Variants in DNAJB14 observed in about 807,000 individuals in gnomAD.
DNAJB14 encodes the protein DnaJ heat shock protein family (Hsp40) member B14, also known as dnaJ homolog subfamily B member 14.
Under a neutral mutation model 48.4 loss-of-function variants are expected in DNAJB14, and 22 were observed. That is an observed-to-expected ratio of 0.45 (90% CI 0.32 to 0.65). DNAJB14 has a LOEUF of 0.65. Ranked by LOEUF, DNAJB14 falls within the 30% of genes least tolerant of loss-of-function variation. The pLI, the probability that DNAJB14 is intolerant of heterozygous loss-of-function variation, is 0.03. For missense variants in DNAJB14, 319 were observed against 458.8 expected, an observed-to-expected ratio of 0.70 and a Z score of 2.78; for synonymous variants, 142 against 158.7, an observed-to-expected ratio of 0.89 and a Z score of 0.79.
chr4:99,907,303 T>A (rs1303205007), intron 4 of DNAJB14, among the ~76,000 whole-genome samples: 2 of 152,144 alleles, frequency 1.3e-5, no homozygotes, highest in Non-Finnish European at 2.9e-5. Flanking sequence ...AAAACACAGG[T>A]TATATTTTCA....
At chr4:99,916,994 G>T (rs1283101636) in intron 3 of DNAJB14, among the ~76,000 whole-genome samples, 1 of 152,150 alleles carries the variant, frequency 6.6e-6, no homozygotes, top group Admixed American at 6.6e-5. Context: ...AATTAGCTGG[G>T]TGTGGTGGCA....
chr4:99,945,204 T>C (rs1296808784), intron 1 of DNAJB14, among the ~76,000 whole-genome samples: 3 of 152,150 alleles, frequency 2.0e-5, no homozygotes. Context: ...ATTTGGCAGG[T>C]TTTTAAACCA....
chr4:99,938,951 A>G (rs529482075), intron 1 of DNAJB14, among the ~76,000 whole-genome samples: 1 of 152,286 alleles, frequency 6.6e-6, no homozygotes, highest in African/African-American at 2.4e-5. Context: ...CTGCATAACC[A>G]TAAGACAGGT....
At chr4:99,939,899 C>G (rs1258931837) in intron 1 of DNAJB14, among the ~76,000 whole-genome samples, 1 of 152,132 alleles carries the variant, frequency 6.6e-6, no homozygotes, top group Admixed American at 6.5e-5. Context: ...TACAATAATG[C>G]GCAGTGTTAC....
intron 1 of DNAJB14, among the ~76,000 whole-genome samples, chr4:99,933,036 CTT>C (rs1003771315): frequency 6.6e-6 from 1 of 151,970 alleles, no homozygotes; most frequent in African/African-American, 2.4e-5. Flanking sequence ...AATGAGGTGT[CTT>C]TTTGAAGTAA....
intron 1 of DNAJB14, among the ~76,000 whole-genome samples, chr4:99,944,560 CT>C (rs1462697263): frequency 1.3e-5 from 2 of 150,054 alleles, no homozygotes; most frequent in Admixed American, 6.6e-5. Flanking sequence ...TTTACTGTAG[CT>C]TTTTTTTGGT....
intron 1 of DNAJB14, among the ~76,000 whole-genome samples, chr4:99,935,515 G>A (rs568870106): frequency 6.6e-5 from 10 of 152,264 alleles, no homozygotes; most frequent in African/African-American, 2.2e-4. Flanking sequence ...CATAAGGACT[G>A]GTAGTAGTAA....
At chr4:99,916,130 C>A (rs1172046689) in intron 3 of DNAJB14, among the ~76,000 whole-genome samples, 2 of 152,076 alleles carry the variant, frequency 1.3e-5, no homozygotes, top group Non-Finnish European at 2.9e-5. Context: ...TTGTAGACAA[C>A]ATACAGCAAA....
intron 6 of DNAJB14, among the ~76,000 whole-genome samples, chr4:99,904,810 A>G (rs1725410328): frequency 6.6e-6 from 1 of 152,012 alleles, no homozygotes; most frequent in Admixed American, 6.6e-5. Flanking sequence ...TCAACTTGTA[A>G]TTTATTTACG....
At chr4:99,911,948 A>G (rs1725676214) in intron 3 of DNAJB14, among the ~76,000 whole-genome samples, 1 of 152,172 alleles carries the variant, frequency 6.6e-6, no homozygotes, top group South Asian at 2.1e-4. Flanking sequence ...TAAGTCTTAA[A>G]AAATCATTGC....
chr4:99,914,293 C>T (rs1725770606), intron 3 of DNAJB14, among the ~76,000 whole-genome samples: 1 of 152,180 alleles, frequency 6.6e-6, no homozygotes, highest in Admixed American at 6.5e-5. Flanking sequence ...GGCACATATA[C>T]ACCATGGAAT....
At chr4:99,924,583 A>G in intron 2 of DNAJB14, 1 of 627,768 alleles carries the variant, frequency 1.6e-6, no homozygotes, top group East Asian at 3.3e-5. Flanking sequence ...TCCTTTATTT[A>G]GTCAATAATA....
rs963837515 is a variant in DNAJB14, at chr4:99,898,814, T to G, written c.*2214A>C. The stretch of plus-strand genomic sequence containing the variant: ...AAAAAAGCAGCAAACATGAAAATCT[T>G]TTATCAAGATATCCAAACTCTTCTT... On this transcript the variant is annotated 3_prime_UTR_variant, in exon 8 of 8. Coordinates refer to ENST00000442697, the MANE Select transcript of DNAJB14 (RefSeq NM_001031723.4). 1 of 151,964 alleles carries G rather than the reference T, an allele frequency of 6.6e-6. No homozygotes were observed. Among genetic ancestry groups the G allele is most frequent in the African/African-American group, 2.4e-5 (1 of 41,440 alleles). 9.4% of individuals were successfully genotyped at this position (151,964 alleles called of 1,614,324 possible). A position where few individuals can be genotyped will look rare whatever the true frequency, so the allele number is the denominator to read the frequency against.
Position 99,944,264 on chromosome 4 carries a change from G to A in DNAJB14, c.133+2175C>T, listed in dbSNP as rs575534236. Among the ~76,000 whole-genome samples the A allele has an allele frequency of 2.1e-4, 32 of 152,322 alleles. No individual in the cohort carries two copies. The South Asian group carries it at 6.0e-3, about 29-fold the overall frequency. On this transcript the variant is annotated intron_variant, in intron 1 of 7. Transcript: ENST00000442697. ...ACAGAAAATAGGTGTTGGCAAGGAT[G>A]GTGAGAAACTGAAACCCTATGTACT...
At chr4:99,903,955 A>G in intron 6 of DNAJB14, 57 bp from the exon 7 acceptor site, 1 of 1,516,052 alleles carries the variant, frequency 6.6e-7, no homozygotes, top group Non-Finnish European at 9.0e-7. Context: ...ATATGCTGCT[A>G]TAAACCAAGC....
chr4:99,902,177 A>G (rs1262114804), intron 7 of DNAJB14, among the ~76,000 whole-genome samples: 2 of 152,002 alleles, frequency 1.3e-5, no homozygotes, highest in South Asian at 2.1e-4. Context: ...TTCCAGTCCA[A>G]CTCTCCAATG....
intron 2 of DNAJB14, chr4:99,927,877 T>C (rs1726312520): frequency 6.6e-6 from 1 of 152,154 alleles, no homozygotes; most frequent in Non-Finnish European, 1.5e-5. Flanking sequence ...ACATACATCA[T>C]GTAAGTGTTT....
At chr4:99,934,209 GAGA>G (rs1322614517) in intron 1 of DNAJB14, among the ~76,000 whole-genome samples, 1 of 152,110 alleles carries the variant, frequency 6.6e-6, no homozygotes, top group Non-Finnish European at 1.5e-5. Context: ...ATAAAGGAAT[GAGA>G]AGATCTCATT....
At chr4:99,921,673 T>C (rs1726065906) in intron 3 of DNAJB14, among the ~76,000 whole-genome samples, 1 of 152,168 alleles carries the variant, frequency 6.6e-6, no homozygotes, top group African/African-American at 2.4e-5. Context: ...CTAAACTCAC[T>C]TTTAGCTTTT....
Sources: gnomAD v4.1 joint callset for allele counts (sites outside exome capture counted in the v4.1 genomes callset) on GRCh38, gnomAD v4.1.1 for gene constraint, MANE v1.5 for transcripts, NCBI Gene and HGNC (gene_info 2026-07-23, HGNC 2026-07-21) for gene names.